The following GLI3 variants were observed in gnomAD, a reference collection of about 807,000 sequenced individuals.
The protein encoded by GLI3 is transcription activator GLI3.
A neutral mutation model predicts 100.8 loss-of-function variants in GLI3; 20 were observed. The ratio of observed to expected loss-of-function variants is 0.20; its 90% confidence interval spans 0.14 to 0.29. GLI3 has a LOEUF of 0.29. GLI3 is among the 10% of genes least tolerant of loss of function. The probability of loss-of-function intolerance (pLI) is 1.00; values close to 1 mark genes in which losing one functional copy is unlikely to be tolerated. For missense variants in GLI3, 2,040 were observed against 2,128.5 expected (o/e 0.96, Z 0.82); for synonymous variants, 938 against 860.5 (o/e 1.09, Z -1.58).
intron 2 of GLI3, among the ~76,000 whole-genome samples, chr7:42,150,345 G>T (rs1177669008): frequency 6.6e-6 from 1 of 152,046 alleles, no homozygotes; most frequent in Non-Finnish European, 1.5e-5. Context: ...TTAGGCAGTA[G>T]GTCACCCTTG....
intron 3 of GLI3, among the ~76,000 whole-genome samples, chr7:42,090,875 T>C (rs954671253): frequency 1.3e-5 from 2 of 152,186 alleles, no homozygotes; most frequent in African/African-American, 4.8e-5. Flanking sequence ...TCTAAGGAAG[T>C]AGGTATTCAT....
In GLI3 at chr7:42,048,484, G is replaced by T; in HGVS notation, c.679+7C>A. 1.3e-6 allele frequency: 2 copies of T among 1,596,688 alleles called. No individual in the cohort carries two copies. Among genetic ancestry groups the T allele is most frequent in the South Asian group, 2.2e-5 (2 of 90,706 alleles). ...ATCTCCAGAAGCAGAATCCATCCTG[G>T]ACTTACCATCTGTAGGGCTCAGCCC... On this transcript the variant is annotated splice_region_variant and intron_variant, in intron 5 of 14. Transcript: ENST00000395925.
In GLI3 at chr7:41,968,626, T is replaced by C. The variant is rs539192601; in HGVS notation, c.2104-703A>G. Among the ~76,000 whole-genome samples, 76 of 149,630 alleles carry C rather than the reference T, an allele frequency of 5.1e-4. No homozygotes were observed. In the South Asian group the frequency reaches 5.5e-3, roughly 11 times the overall value. ...TCAACCAAGGTGTCAGTAAAAGCAG[T>C]TGAGAGAGGTAAAACTTCAATCACT... is the stretch of plus-strand genomic sequence containing the variant. On this transcript the variant is annotated intron_variant, in intron 13 of 14. Transcript: ENST00000395925.
chr7:42,115,259 C>T (rs1263767954), intron 3 of GLI3, among the ~76,000 whole-genome samples: 5 of 151,552 alleles, frequency 3.3e-5, no homozygotes, highest in Non-Finnish European at 7.4e-5. Context: ...CTGCCTCAGC[C>T]TCCTGAGTAG....
chr7:42,207,475 C>A (rs981207788), intron 2 of GLI3, among the ~76,000 whole-genome samples: 1 of 152,124 alleles, frequency 6.6e-6, no homozygotes, highest in South Asian at 2.1e-4. Flanking sequence ...AATGTTGATA[C>A]GTGTTTCTGA....
chr7:42,056,207 T>C (rs184591356), intron 4 of GLI3, among the ~76,000 whole-genome samples: 2 of 152,220 alleles, frequency 1.3e-5, no homozygotes, highest in Admixed American at 1.3e-4. Flanking sequence ...TAATATAACA[T>C]TTTATTGAAA....
intron 4 of GLI3, among the ~76,000 whole-genome samples, chr7:42,059,758 A>G (rs1475957427): frequency 1.3e-5 from 2 of 152,218 alleles, no homozygotes; most frequent in Non-Finnish European, 2.9e-5. Flanking sequence ...ACTGATCTGC[A>G]TTAAGAAAGC....
intron 10 of GLI3, among the ~76,000 whole-genome samples, chr7:42,018,048 C>A (rs1293852952): frequency 1.3e-5 from 2 of 152,196 alleles, no homozygotes. Flanking sequence ...GGCTGCCACT[C>A]AGAATCCTAG....
At position 41,964,840 on chromosome 7, in the gene GLI3, G is replaced by C; in HGVS notation, c.4233C>G (p.Asp1411Glu). Residue 1411 changes from aspartate (D) to glutamate (E), a missense_variant, in exon 15 of 15, where the codon GAC becomes GAG. Coordinates refer to ENST00000395925, the MANE Select transcript of GLI3 (RefSeq NM_000168.6). ...CATTCACCCTGCAGGTCTGACTTGT[G>C]TCACTGAGCTGTCCTGACTGCAGAG... is the stretch of plus-strand genomic sequence containing the variant. ...SLALQSGQLS[D>E]TSQTCRVNGI... is the part of the protein sequence containing the mutation. 2 of 1,613,946 alleles carry C rather than the reference G, an allele frequency of 1.2e-6. No individual in the cohort carries two copies. The highest frequency in any genetic ancestry group is 1.7e-6 in the Non-Finnish European group (2 of 1,180,016).
At chr7:41,997,118 AAATAT>A (rs1375635800) in intron 10 of GLI3, among the ~76,000 whole-genome samples, 1 of 152,098 alleles carries the variant, frequency 6.6e-6, no homozygotes, top group Non-Finnish European at 1.5e-5. Context: ...GGGCTATATA[AAATAT>A]ATTTTTTAAT....
At chr7:42,171,352 G>A (rs1302191090) in intron 2 of GLI3, among the ~76,000 whole-genome samples, 1 of 152,140 alleles carries the variant, frequency 6.6e-6, no homozygotes, top group Non-Finnish European at 1.5e-5. Flanking sequence ...GGAGATAATA[G>A]GCCTAAGTAC....
intron 2 of GLI3, among the ~76,000 whole-genome samples, chr7:42,161,639 G>A (rs1328827564): frequency 6.6e-6 from 1 of 152,202 alleles, no homozygotes; most frequent in Admixed American, 6.5e-5. Flanking sequence ...TAGGCTTAGA[G>A]AAATTAACTT....
intron 4 of GLI3, among the ~76,000 whole-genome samples, chr7:42,051,014 T>C (rs571269589): frequency 6.6e-6 from 1 of 152,304 alleles, no homozygotes; most frequent in South Asian, 2.1e-4. Flanking sequence ...CTGATGTCCC[T>C]GTCACTGCTT....
intron 4 of GLI3, among the ~76,000 whole-genome samples, chr7:42,058,640 T>C (rs548817607): frequency 6.6e-6 from 1 of 152,292 alleles, no homozygotes; most frequent in East Asian, 1.9e-4. Context: ...CATCTGTGTA[T>C]TAACTTTGGA....
intron 3 of GLI3, among the ~76,000 whole-genome samples, chr7:42,139,670 A>T (rs912340893): frequency 1.3e-5 from 2 of 152,100 alleles, no homozygotes; most frequent in Non-Finnish European, 2.9e-5. Context: ...CAAGAGCGAA[A>T]CTCCATCTCA....
At chr7:42,190,920 A>G (rs576191950) in intron 2 of GLI3, among the ~76,000 whole-genome samples, 2 of 152,266 alleles carry the variant, frequency 1.3e-5, no homozygotes, top group South Asian at 4.1e-4. Context: ...ATTATATATC[A>G]TAAAAGCAAG....
At chr7:42,093,124 T>G (rs1268562925) in intron 3 of GLI3, among the ~76,000 whole-genome samples, 1 of 151,944 alleles carries the variant, frequency 6.6e-6, no homozygotes, top group Non-Finnish European at 1.5e-5. Flanking sequence ...AGGATCTTGT[T>G]TTTAAAAACA....
rs549393965 is a variant in GLI3 at position 42,235,922 on chromosome 7, C to G, written c.-43+1049G>C. Reference sequence around the variant, plus strand: ...GCACTGTACCCAAGGCCAGAATCTACCCGGCAGTCTGCACTGGGGAGATGA... The same window carrying G: ...GCACTGTACCCAAGGCCAGAATCTAGCCGGCAGTCTGCACTGGGGAGATGA... On this transcript the variant is annotated intron_variant, in intron 1 of 14. Transcript: ENST00000395925. 2.0e-5 allele frequency among the ~76,000 whole-genome samples: 3 copies of G among 152,326 alleles called. No homozygotes were observed. The East Asian group carries it at 5.8e-4, about 29-fold the overall frequency.
intron 1 of GLI3, among the ~76,000 whole-genome samples, chr7:42,258,268 T>C (rs1375307465): frequency 6.6e-6 from 1 of 152,236 alleles, no homozygotes; most frequent in Non-Finnish European, 1.5e-5. Context: ...AAACAAATAT[T>C]GTCACCTGTA....
Sources: gnomAD v4.1 joint callset for allele counts (sites outside exome capture counted in the v4.1 genomes callset) on GRCh38, gnomAD v4.1.1 for gene constraint, MANE v1.5 for transcripts, NCBI Gene and HGNC (gene_info 2026-07-23, HGNC 2026-07-21) for gene names.